ADCY8: variants seen among roughly 807,000 people sequenced by gnomAD.
The protein encoded by ADCY8 is adenylate cyclase type 8.
ADCY8 carries 51 observed loss-of-function variants against 119.7 expected under a neutral mutation model. The observed-to-expected ratio is 0.43, with a 90% confidence interval of 0.34 to 0.54. The LOEUF (loss-of-function observed/expected upper bound fraction) is 0.54. Ranked by LOEUF, ADCY8 falls within the 20% of genes least tolerant of loss-of-function variation. ADCY8 has a pLI of 0.03. For synonymous variants in ADCY8, 665 were observed against 651.0 expected, an observed-to-expected ratio of 1.02 and a Z score of -0.33; for missense variants, 1,383 against 1,598.8, an observed-to-expected ratio of 0.87 and a Z score of 2.30.
intron 11 of ADCY8, among the ~76,000 whole-genome samples, chr8:130,846,643 C>CCCTTCCTT (rs1817311392): frequency 8.8e-6 from 1 of 114,284 alleles, no homozygotes; most frequent in South Asian, 4.8e-4. Flanking sequence ...TCCTTCCTTC[C>CCCTTCCTT]CTCCTTCCTT....
chr8:130,784,349 T>A (rs773330732), intron 16 of ADCY8, among the ~76,000 whole-genome samples: 3 of 152,192 alleles, frequency 2.0e-5, no homozygotes, highest in Non-Finnish European at 2.9e-5. Flanking sequence ...CTAAGGGAAG[T>A]GCTGCATAAG....
chr8:131,011,436 CA>C (rs1237707327), intron 1 of ADCY8, among the ~76,000 whole-genome samples: 1 of 152,130 alleles, frequency 6.6e-6, no homozygotes, highest in East Asian at 1.9e-4. Flanking sequence ...CTGAAAGAAT[CA>C]AGTGACTCTT....
rs770752850 is a variant in ADCY8 at position 130,904,056 on chromosome 8, G to A, written c.1641-14C>T. ...ATGTGAATCCTCCTGTGTGTAGAAGGCATAGGTCATTACACACTCCTGATG... is the reference window on the plus strand; with the variant it reads ...ATGTGAATCCTCCTGTGTGTAGAAGACATAGGTCATTACACACTCCTGATG... On this transcript the variant is annotated splice_polypyrimidine_tract_variant and intron_variant, in intron 6 of 17. Coordinates refer to ENST00000286355, the MANE Select transcript of ADCY8 (RefSeq NM_001115.3). 16 of 1,605,812 alleles carry A rather than the reference G, an allele frequency of 1.0e-5. No individual in the cohort carries two copies. Among genetic ancestry groups the A allele is most frequent in the Non-Finnish European group, 1.4e-5 (16 of 1,174,808 alleles).
intron 5 of ADCY8, among the ~76,000 whole-genome samples, chr8:130,917,677 G>A (rs191803489): frequency 2.4e-4 from 37 of 152,238 alleles, no homozygotes; most frequent in Middle Eastern, 6.8e-3. Context: ...GCTCAGGGGA[G>A]TTCTGAAGTT....
At chr8:130,938,647 A>T (rs1316742234) in intron 4 of ADCY8, among the ~76,000 whole-genome samples, 2 of 152,242 alleles carry the variant, frequency 1.3e-5, no homozygotes, top group African/African-American at 2.4e-5. Context: ...GGAGTTGGAC[A>T]TTATGTTTGG....
At chr8:131,020,627 C>A (rs1282717307) in intron 1 of ADCY8, among the ~76,000 whole-genome samples, 1 of 152,202 alleles carries the variant, frequency 6.6e-6, no homozygotes, top group African/African-American at 2.4e-5. Flanking sequence ...TATTCTACAT[C>A]TTACCAATTA....
chr8:130,969,656 G>T (rs1056476760), intron 2 of ADCY8, among the ~76,000 whole-genome samples: 1 of 152,186 alleles, frequency 6.6e-6, no homozygotes, highest in African/African-American at 2.4e-5. Flanking sequence ...AGCTCTTGGG[G>T]CTGCCAGAGT....
intron 2 of ADCY8, among the ~76,000 whole-genome samples, chr8:130,960,607 A>G (rs952120800): frequency 4.6e-5 from 7 of 152,180 alleles, no homozygotes; most frequent in African/African-American, 1.7e-4. Context: ...GGAAATGGTC[A>G]GAATGGGAGT....
chr8:130,836,265 G>T lies in ADCY8; in HGVS notation c.2675+12C>A, dbSNP rs757556264. ...TTGAGCACACTTTGGACTCACGGTG[G>T]TGGGCACTTACTCTCCACTGTGGTT... On this transcript the variant is annotated intron_variant, in intron 12 of 17. Coordinates refer to ENST00000286355, the MANE Select transcript of ADCY8 (RefSeq NM_001115.3). 1 of 1,605,248 alleles carries T rather than the reference G, an allele frequency of 6.2e-7. No homozygotes were observed.
At chr8:130,910,558 C>T (rs1026369252) in intron 5 of ADCY8, among the ~76,000 whole-genome samples, 1 of 152,184 alleles carries the variant, frequency 6.6e-6, no homozygotes, top group South Asian at 2.1e-4. Context: ...TGACCTACTA[C>T]TTAGAGCTGT....
chr8:130,967,112 G>A (rs1821785442), intron 2 of ADCY8, among the ~76,000 whole-genome samples: 2 of 152,150 alleles, frequency 1.3e-5, no homozygotes, highest in Non-Finnish European at 2.9e-5. Flanking sequence ...TGGCATTTGG[G>A]TTTATATATT....
intron 3 of ADCY8, among the ~76,000 whole-genome samples, chr8:130,948,089 GC>G (rs1821157780): frequency 6.6e-6 from 1 of 152,160 alleles, no homozygotes; most frequent in Non-Finnish European, 1.5e-5. Flanking sequence ...GAACTTTGAG[GC>G]CCAAGGGATG....
intron 6 of ADCY8, among the ~76,000 whole-genome samples, chr8:130,907,813 T>A (rs1162330746): frequency 2.0e-5 from 3 of 152,248 alleles, no homozygotes; most frequent in Non-Finnish European, 4.4e-5. Flanking sequence ...TGTATGATGC[T>A]GAGGTTCGGG....
chr8:130,950,643 G>A (rs1821241747), intron 3 of ADCY8, among the ~76,000 whole-genome samples: 1 of 152,170 alleles, frequency 6.6e-6, no homozygotes, highest in South Asian at 2.1e-4. Context: ...TTTCCCTCAT[G>A]TACTTCTCCA....
intron 5 of ADCY8, among the ~76,000 whole-genome samples, chr8:130,912,105 T>G (rs1819999763): frequency 6.6e-6 from 1 of 152,188 alleles, no homozygotes; most frequent in African/African-American, 2.4e-5. Context: ...TCTTTTAGAG[T>G]GAAGCTTGGT....
At chr8:131,019,094 T>G (rs11774222) in intron 1 of ADCY8, among the ~76,000 whole-genome samples, 7,476 of 152,184 alleles carry the variant, frequency 0.049, 259 homozygotes, top group African/African-American at 0.091. Context: ...GAAAGAGGAA[T>G]ATGATGGTAT....
At chr8:130,917,957 G>A (rs1820180052) in intron 5 of ADCY8, among the ~76,000 whole-genome samples, 2 of 152,150 alleles carry the variant, frequency 1.3e-5, no homozygotes, top group South Asian at 2.1e-4. Flanking sequence ...CCTGTAGCCT[G>A]GCCTGCTGCA....
intron 1 of ADCY8, among the ~76,000 whole-genome samples, chr8:131,017,942 A>G (rs921373387): frequency 5.3e-5 from 8 of 152,236 alleles, no homozygotes; most frequent in Admixed American, 4.6e-4. Context: ...AACATCTGAT[A>G]CATCAAATAT....
chr8:131,003,206 T>TCACA (rs1554624274), intron 1 of ADCY8, among the ~76,000 whole-genome samples: 1,515 of 137,556 alleles, frequency 0.011, 35 homozygotes, highest in African/African-American at 0.036. Context: ...TGAAACACCA[T>TCACA]CACACACACA....
Sources: allele counts gnomAD v4.1 joint callset (sites outside exome capture counted in the v4.1 genomes callset), GRCh38; gene constraint gnomAD v4.1.1; transcripts MANE v1.5; gene names NCBI Gene and HGNC (gene_info 2026-07-23, HGNC 2026-07-21).